Variants in SLC35D4 observed in about 807,000 individuals in gnomAD.
The protein encoded by SLC35D4 is UDP-N-acetylglucosamine transporter SLC35D4.
chr18:23,436,182 C>T, the SLC35D4 span, among the ~76,000 whole-genome samples: 1 of 152,050 alleles, frequency 6.6e-6, no homozygotes, highest in East Asian at 1.9e-4. Context: ...CGCCTGCCAC[C>T]ACGCCTGGCT....
chr18:23,245,850 A>C, the SLC35D4 span, among the ~76,000 whole-genome samples: 1 of 152,360 alleles, frequency 6.6e-6, no homozygotes, highest in Non-Finnish European at 1.5e-5. Context: ...GCACCCTTGC[A>C]AAAAACACAA....
chr18:23,347,545 A>G, the SLC35D4 span, among the ~76,000 whole-genome samples: 1 of 152,052 alleles, frequency 6.6e-6, no homozygotes, highest in African/African-American at 2.4e-5. Context: ...CAGCTTCCCA[A>G]GTAGCTAGGA....
the SLC35D4 span, among the ~76,000 whole-genome samples, chr18:23,317,843 G>A: frequency 1.3e-5 from 2 of 151,784 alleles, no homozygotes; most frequent in Non-Finnish European, 2.9e-5. Flanking sequence ...CGGTTCAAGC[G>A]ATTCTTGTGC....
the SLC35D4 span, among the ~76,000 whole-genome samples, chr18:23,396,981 G>A: frequency 4.6e-5 from 7 of 152,112 alleles, no homozygotes; most frequent in South Asian, 2.1e-4. Context: ...CTCAAGAAGC[G>A]TTGTTGAAGG....
the SLC35D4 span, among the ~76,000 whole-genome samples, chr18:23,424,453 T>C: frequency 6.6e-6 from 1 of 152,152 alleles, no homozygotes; most frequent in African/African-American, 2.4e-5. Flanking sequence ...AATGGGTAAG[T>C]CAAAATTCCT....
chr18:23,244,531 T>A, the SLC35D4 span, among the ~76,000 whole-genome samples: 1 of 152,376 alleles, frequency 6.6e-6, no homozygotes, highest in Non-Finnish European at 1.5e-5. Context: ...ACAGCTGAAA[T>A]GCCCATCTGT....
chr18:23,429,967 C>T, the SLC35D4 span, among the ~76,000 whole-genome samples: 4 of 152,160 alleles, frequency 2.6e-5, no homozygotes, highest in Non-Finnish European at 5.9e-5. Context: ...TGTCTGTTTA[C>T]TCTGTTAATA....
At chr18:23,430,798 A>T in the SLC35D4 span, 1 of 932,688 alleles carries the variant, frequency 1.1e-6, no homozygotes. Context: ...CAAGTTTTAA[A>T]AAGGCCATTA....
chr18:23,354,181 G>A, the SLC35D4 span, among the ~76,000 whole-genome samples: 1 of 152,056 alleles, frequency 6.6e-6, no homozygotes, highest in Non-Finnish European at 1.5e-5. Flanking sequence ...AAGCTTCATG[G>A]AAATGTGTTC....
At chr18:23,293,742 T>A in the SLC35D4 span, among the ~76,000 whole-genome samples, 1 of 152,218 alleles carries the variant, frequency 6.6e-6, no homozygotes, top group Non-Finnish European at 1.5e-5. Flanking sequence ...CTGCCGGTAT[T>A]GAAGAGAACA....
At chr18:23,437,243 A>ATG in the SLC35D4 span, among the ~76,000 whole-genome samples, 11 of 152,260 alleles carry the variant, frequency 7.2e-5, no homozygotes, top group Non-Finnish European at 1.6e-4. Context: ...AACTAAATGT[A>ATG]TGTTTTATTT....
the SLC35D4 span, chr18:23,356,671 G>A: frequency 1.9e-6 from 3 of 1,613,766 alleles, no homozygotes; most frequent in African/African-American, 1.3e-5. This position sits in a 1 kb window ranked among gnomAD's most constrained non-coding sequence, Gnocchi z 4.1. Flanking sequence ...CACCTGAGGG[G>A]AACAGCAATG....
chr18:23,298,176 C>G, the SLC35D4 span: 2 of 1,272,972 alleles, frequency 1.6e-6, no homozygotes, highest in Non-Finnish European at 2.2e-6. Flanking sequence ...GCAACTGAGA[C>G]TCATCACCAG....
the SLC35D4 span, among the ~76,000 whole-genome samples, chr18:23,338,287 T>C: frequency 1.3e-5 from 2 of 152,220 alleles, no homozygotes; most frequent in African/African-American, 4.8e-5. Context: ...TTCTGAGTAG[T>C]GTCTAGAATA....
At chr18:23,282,531 T>G in the SLC35D4 span, among the ~76,000 whole-genome samples, 1 of 152,148 alleles carries the variant, frequency 6.6e-6, no homozygotes, top group Non-Finnish European at 1.5e-5. Context: ...GCCTCCCCAG[T>G]GGTTTGCTGT....
At chr18:23,361,588 C>T in the SLC35D4 span, among the ~76,000 whole-genome samples, 30 of 152,112 alleles carry the variant, frequency 2.0e-4, no homozygotes, top group Admixed American at 1.1e-3. Context: ...GAAACTTCAA[C>T]AAATCGAAGT....
chr18:23,351,433 CAA>C, the SLC35D4 span, among the ~76,000 whole-genome samples: 128,251 of 148,728 alleles, frequency 0.86, 54,257 homozygotes, highest in East Asian at 1. Flanking sequence ...AAAACAAAAA[CAA>C]AAACAAAAAA....
the SLC35D4 span, chr18:23,310,307 T>A: frequency 1.0e-6 from 1 of 982,140 alleles, no homozygotes; most frequent in Non-Finnish European, 1.2e-6. Flanking sequence ...TAATTAATTA[T>A]TTGCAAATAT....
chr18:23,258,655 AC>A, the SLC35D4 span: 1 of 152,274 alleles, frequency 6.6e-6, no homozygotes, highest in South Asian at 2.1e-4. Flanking sequence ...CTTTTTGTAT[AC>A]CTGTATGCGT....
Sources: gnomAD v4.1 joint callset for allele counts (sites outside exome capture counted in the v4.1 genomes callset) on GRCh38, gnomAD v4.1.1 for gene constraint, Gnocchi (gnomAD v3.1) non-coding constraint, MANE v1.5 for transcripts, NCBI Gene and HGNC (gene_info 2026-07-23, HGNC 2026-07-21) for gene names.